Variants in METTL2A observed in about 807,000 individuals in gnomAD.
The protein encoded by METTL2A is tRNA N(3)-cytidine methyltransferase METTL2A.
A neutral mutation model predicts 49.4 loss-of-function variants in METTL2A; 45 were observed. The observed-to-expected ratio is 0.91, with a 90% CI of 0.72 to 1.17. METTL2A has a LOEUF of 1.17. Among genes scored for constraint, METTL2A ranks in the 50% most tolerant of loss-of-function variants. The pLI is 0.00. For missense variants in METTL2A, 361 were observed against 462.2 expected, an observed-to-expected ratio of 0.78 and a Z score of 2.01; for synonymous variants, 118 against 167.5, an observed-to-expected ratio of 0.70 and a Z score of 2.28.
chr17:62,447,210 G>C (rs570065809), intron 7 of METTL2A, among the ~76,000 whole-genome samples: 1 of 152,312 alleles, frequency 6.6e-6, no homozygotes, highest in South Asian at 2.1e-4. Context: ...CCTGAGGTGA[G>C]GAGTTTGAGA....
At position 62,451,394 on chromosome 17, in the gene METTL2A, C is replaced by T. The variant is rs1429686572; in HGVS notation, c.*2665C>T. ...AACTCCCGACCTCAGGTGATCTGCC[C>T]GCCTTGGCCTCCCAAAGTGCTGGGA... On this transcript the variant is annotated 3_prime_UTR_variant, in exon 9 of 9. Transcript: ENST00000311506. 7.3e-5 allele frequency among the ~76,000 whole-genome samples: 11 copies of T among 150,900 alleles called. No homozygotes were observed. The highest frequency in any genetic ancestry group is 1.3e-4 in the Admixed American group (2 of 15,162).
At chr17:62,446,134 A>G (rs556661065) in intron 7 of METTL2A, among the ~76,000 whole-genome samples, 1 of 152,348 alleles carries the variant, frequency 6.6e-6, no homozygotes, top group South Asian at 2.1e-4. Context: ...TTCCTTCATT[A>G]CTGGTAGAAA....
rs558707381 is a variant in METTL2A at position 62,451,630 on chromosome 17, G to A, written c.*2901G>A. Among the ~76,000 whole-genome samples the A allele has an allele frequency of 1.4e-4, 21 of 151,450 alleles. No homozygotes were observed. Among genetic ancestry groups the A allele is most frequent in the African/African-American group, 4.4e-4 (18 of 41,310 alleles). On this transcript the variant is annotated 3_prime_UTR_variant, in exon 9 of 9. Coordinates refer to ENST00000311506, the MANE Select transcript of METTL2A (RefSeq NM_181725.4). Reference sequence around the variant, plus strand: ...ATACAGACCTGGCACGGTGGCTCACGCCTGTAATCCCAGCACTTTGAGAGA... The same window carrying A: ...ATACAGACCTGGCACGGTGGCTCACACCTGTAATCCCAGCACTTTGAGAGA...
chr17:62,441,915 A>AT (rs565196873), intron 6 of METTL2A, among the ~76,000 whole-genome samples: 69 of 122,932 alleles, frequency 5.6e-4, no homozygotes, highest in Admixed American at 1.8e-3. Context: ...TAATTTTTGT[A>AT]TTTTTTTTTT....
Position 62,427,719 on chromosome 17 carries a change from C to T in METTL2A, c.559-69C>T, listed in dbSNP as rs1162691051. The T allele has an allele frequency of 1.1e-5, 17 of 1,606,790 alleles. No individual in the cohort carries two copies. In the Middle Eastern group the frequency reaches 5.0e-4, roughly 47 times the overall value. ...CAGATTCTTGTTGATTATTATTTTTCTAGCTTTTCTAGCTTTAGGGAATTA... is the reference window on the plus strand; with the variant it reads ...CAGATTCTTGTTGATTATTATTTTTTTAGCTTTTCTAGCTTTAGGGAATTA... On this transcript the variant is annotated intron_variant, in intron 3 of 8. Coordinates refer to ENST00000311506, the MANE Select transcript of METTL2A (RefSeq NM_181725.4).
intron 4 of METTL2A, among the ~76,000 whole-genome samples, chr17:62,433,171 C>G (rs1252581249): frequency 6.6e-6 from 1 of 152,054 alleles, no homozygotes; most frequent in Admixed American, 6.6e-5. Context: ...TGGTGGCTCA[C>G]TCTTGTAATC....
intron 2 of METTL2A, among the ~76,000 whole-genome samples, chr17:62,425,772 G>C (rs573552497): frequency 6.7e-6 from 1 of 149,196 alleles, no homozygotes; most frequent in East Asian, 2.0e-4. Flanking sequence ...AGGCCGAGGC[G>C]GGTGGATCAC....
chr17:62,440,887 C>G (rs368433369), intron 6 of METTL2A, 131 bp downstream of exon 6: 1 of 1,225,868 alleles, frequency 8.2e-7, no homozygotes, highest in Non-Finnish European at 1.1e-6. Flanking sequence ...CTCACTGCAG[C>G]CTTAACCTCT....
intron 5 of METTL2A, among the ~76,000 whole-genome samples, chr17:62,438,730 A>T (rs568581475): frequency 9.2e-5 from 14 of 152,282 alleles, no homozygotes; most frequent in Non-Finnish European, 1.8e-4. Context: ...ATAACAAAGT[A>T]AATTTTCTAC....
Position 62,450,247 on chromosome 17 carries a change from C to CATTTTTT in METTL2A, c.*1518_*1519insATTTTTT, listed in dbSNP as rs1396756918. The CATTTTTT allele has an allele frequency of 1.9e-4, 15 of 80,540 alleles. 4 individuals carry two copies. The highest frequency in any genetic ancestry group is 1.5e-4 in the Non-Finnish European group (7 of 47,276). 5.0% of individuals were successfully genotyped at this position (80,540 alleles called of 1,614,324 possible). On this transcript the variant is annotated 3_prime_UTR_variant, in exon 9 of 9. Transcript: ENST00000311506. ...TGTGATCATTATCAGTGTTAGATGC[C>CATTTTTT]TTTTTTTTTTTTTTTTTTTTTTTTT...
chr17:62,433,629 A>G (rs1230452151), intron 4 of METTL2A, among the ~76,000 whole-genome samples: 2 of 150,992 alleles, frequency 1.3e-5, no homozygotes, highest in Non-Finnish European at 2.9e-5. Context: ...AGTTCCAGCT[A>G]CTCAGGAGGC....
At chr17:62,441,243 A>G (rs1035332662) in intron 6 of METTL2A, among the ~76,000 whole-genome samples, 10 of 152,132 alleles carry the variant, frequency 6.6e-5, no homozygotes, top group Non-Finnish European at 1.3e-4. Context: ...TTGATGTCCA[A>G]CTTCTGTTCT....
At chr17:62,435,721 T>G (rs966034899) in intron 5 of METTL2A, among the ~76,000 whole-genome samples, 1 of 152,204 alleles carries the variant, frequency 6.6e-6, no homozygotes, top group African/African-American at 2.4e-5. Flanking sequence ...GCATGCGTTG[T>G]GACTGCTCCA....
At chr17:62,442,247 A>G (rs2070742926) in intron 6 of METTL2A, among the ~76,000 whole-genome samples, 1 of 152,034 alleles carries the variant, frequency 6.6e-6, no homozygotes, top group Non-Finnish European at 1.5e-5. Context: ...CTTCATATGC[A>G]TAGGTAACCA....
chr17:62,444,958 C>T lies in METTL2A; in HGVS notation c.916+15C>T. The T allele has an allele frequency of 6.2e-7, 1 of 1,612,100 alleles. No individual in the cohort carries two copies. Among genetic ancestry groups the T allele is most frequent in the South Asian group, 1.1e-5 (1 of 91,022 alleles). On this transcript the variant is annotated intron_variant, in intron 7 of 8. Transcript: ENST00000311506. The stretch of plus-strand genomic sequence containing the variant: ...GTTTAAAAAAGGTATTTTGAAAGTG[C>T]TGAATCCTAACCACTAGAGATCATG...
rs1295483617 is a variant in METTL2A, at chr17:62,440,727, A to G, written c.780A>G (p.Ile260Met). ...PKGSLDIIILIFVLSAIVPDK... is the reference protein window; with the variant it reads ...PKGSLDIIILMFVLSAIVPDK... ...GCAGTCTTGATATTATCATTCTCAT[A>G]TTTGTTCTTTCAGCAATTGTTCCAG... Residue 260 changes from isoleucine to methionine, a missense_variant, in exon 6 of 9, where the codon ATA becomes ATG. This residue lies in a region of METTL2A where 183 missense variants were observed against 216.5 expected (regional missense o/e 0.85). Transcript: ENST00000311506. 7.4e-6 allele frequency: 12 copies of G among 1,613,908 alleles called. No individual in the cohort carries two copies. The highest frequency in any genetic ancestry group is 1.1e-5 in the South Asian group (1 of 91,036).
At chr17:62,435,158 T>G (rs2070691841) in intron 4 of METTL2A, 74 bp from the exon 5 acceptor site, 10 of 1,591,038 alleles carry the variant, frequency 6.3e-6, no homozygotes, top group Non-Finnish European at 8.6e-6. Flanking sequence ...ATATTTTAAC[T>G]GTGCTACACA....
chr17:62,431,320 C>T (rs2070663803), intron 4 of METTL2A, among the ~76,000 whole-genome samples: 1 of 152,046 alleles, frequency 6.6e-6, no homozygotes, highest in Admixed American at 6.6e-5. Context: ...GTCTTTACAG[C>T]CTTTTTATGT....
intron 2 of METTL2A, among the ~76,000 whole-genome samples, chr17:62,425,389 C>CTT (rs746253160): frequency 2.3e-4 from 18 of 78,216 alleles, no homozygotes; most frequent in African/African-American, 5.7e-4. Context: ...ACTGTCCATA[C>CTT]TTTTTTTTTT....
Sources: allele counts gnomAD v4.1 joint callset (sites outside exome capture counted in the v4.1 genomes callset), GRCh38; gene constraint gnomAD v4.1.1; regional missense constraint gnomAD v4.1.1; transcripts MANE v1.5; gene names NCBI Gene and HGNC (gene_info 2026-07-23, HGNC 2026-07-21).